The following EVC variants were observed in gnomAD, a reference collection of about 807,000 sequenced individuals.
EVC encodes the protein evC complex member EVC.
Under a neutral mutation model 118.9 loss-of-function variants are expected in EVC, and 116 were observed. That is an observed-to-expected ratio of 0.98 (90% CI 0.84 to 1.14). The LOEUF (loss-of-function observed/expected upper bound fraction) is 1.14, where lower values mean the gene tolerates loss of function less well. EVC is among the 50% of genes most tolerant of loss of function. EVC has a pLI of 0.00. For missense variants in EVC, 1,401 were observed against 1,246.4 expected (o/e 1.12, Z -1.87); for synonymous variants, 619 against 534.7 (o/e 1.16, Z -2.18).
At chr4:5,776,507 A>T (rs971699358) in intron 11 of EVC, among the ~76,000 whole-genome samples, 2 of 152,158 alleles carry the variant, frequency 1.3e-5, no homozygotes. Flanking sequence ...TCTCTTTTAC[A>T]TGTAAAGAGG....
At chr4:5,796,912 C>A in intron 13 of EVC, 110 bp from the exon 14 acceptor site, 1 of 857,932 alleles carries the variant, frequency 1.2e-6, no homozygotes, top group South Asian at 1.4e-5. Flanking sequence ...TGATTCCAAC[C>A]TGCTTCCTTT....
At chr4:5,712,965 G>A (rs543392588) in intron 1 of EVC, among the ~76,000 whole-genome samples, 2 of 152,360 alleles carry the variant, frequency 1.3e-5, no homozygotes, top group Admixed American at 6.5e-5. Context: ...CTCTGCAAGG[G>A]TGTTTGTCCA....
chr4:5,714,570 G>C (rs537588272), intron 1 of EVC, among the ~76,000 whole-genome samples: 1 of 146,792 alleles, frequency 6.8e-6, no homozygotes, highest in African/African-American at 2.5e-5. Context: ...ACTTAGCTCT[G>C]TTGCCTCCCT....
rs181539485 is a variant in EVC, at chr4:5,733,161, G to T, written c.618-190G>T. On this transcript the variant is annotated intron_variant, in intron 4 of 20. Transcript: ENST00000264956. Reference sequence around the variant, plus strand: ...ACCAACTGTTCTCTTATGGCCATTAGTGGGTTTCAAACAGCTCATTTGATC... The same window carrying T: ...ACCAACTGTTCTCTTATGGCCATTATTGGGTTTCAAACAGCTCATTTGATC... Among the ~76,000 whole-genome samples the T allele has an allele frequency of 1.3e-3, 193 of 152,246 alleles. 1 individual carries two copies. The highest frequency in any genetic ancestry group is 4.2e-3 in the African/African-American group (176 of 41,536).
the EVC span, chr4:5,828,295 G>A: frequency 1.1e-3 from 1,096 of 984,800 alleles, 5 homozygotes; most frequent in African/African-American, 0.017. Flanking sequence ...GAACTTGCAT[G>A]TCCTCATTTG....
At chr4:5,768,206 A>T (rs1370633722) in intron 11 of EVC, among the ~76,000 whole-genome samples, 1 of 152,134 alleles carries the variant, frequency 6.6e-6, no homozygotes, top group Non-Finnish European at 1.5e-5. Flanking sequence ...AGACTGTTCC[A>T]AGATAGTTGC....
chr4:5,725,285 T>C (rs1320619528), intron 2 of EVC, among the ~76,000 whole-genome samples: 1 of 152,214 alleles, frequency 6.6e-6, no homozygotes, highest in Non-Finnish European at 1.5e-5. Flanking sequence ...TCTAGCTCTT[T>C]GAGGAATCGC....
At chr4:5,766,662 C>T (rs1419620780) in intron 11 of EVC, among the ~76,000 whole-genome samples, 1 of 140,658 alleles carries the variant, frequency 7.1e-6, no homozygotes. Context: ...CTTCATCTTC[C>T]ATCGCTGATA....
downstream of EVC, among the ~76,000 whole-genome samples, chr4:5,815,580 A>G (rs191547619): frequency 8.7e-4 from 133 of 152,176 alleles, 1 homozygote; most frequent in Non-Finnish European, 1.6e-3. Context: ...CCAATCAGGT[A>G]TTTCTCCTCC....
At chr4:5,785,645 C>T (rs1297162382) in intron 12 of EVC, among the ~76,000 whole-genome samples, 1 of 152,172 alleles carries the variant, frequency 6.6e-6, no homozygotes, top group Non-Finnish European at 1.5e-5. Flanking sequence ...TTGTCTGTCT[C>T]CTGCATTTGG....
At chr4:5,793,516 C>T in intron 12 of EVC, 92 bp from the exon 13 acceptor site, 1 of 1,112,138 alleles carries the variant, frequency 9.0e-7, no homozygotes, top group South Asian at 1.3e-5. Context: ...AAGAAACGCA[C>T]ACAAACAAGA....
intron 1 of EVC, among the ~76,000 whole-genome samples, chr4:5,713,806 G>T (rs951835436): frequency 6.6e-6 from 1 of 152,102 alleles, no homozygotes; most frequent in African/African-American, 2.4e-5. Flanking sequence ...GGGAGGCTAA[G>T]GCAAGAGAAT....
intron 16 of EVC, 99 bp from the exon 17 acceptor site, chr4:5,804,630 TG>T: frequency 1.1e-6 from 1 of 906,368 alleles, no homozygotes; most frequent in Non-Finnish European, 1.8e-6. Context: ...CTTGGAGAGC[TG>T]GTGTGTCTCA....
Position 5,808,327 on chromosome 4 carries a change from G to C in EVC, c.2688G>C (p.Gln896His), listed in dbSNP as rs1560445857. 3 of 1,614,066 alleles carry C rather than the reference G, an allele frequency of 1.9e-6. No homozygotes were observed. The highest frequency in any genetic ancestry group is 2.5e-6 in the Non-Finnish European group (3 of 1,180,044). Residue 896 changes from glutamine (Q) to histidine (H), a missense_variant and splice_region_variant, in exon 18 of 21, where the codon CAG (glutamine) becomes CAC (histidine). Gln to His is a conservative substitution (Grantham distance 24). Transcript: ENST00000264956. ...LLEAQLETQL[Q>H]EAEQNFISEL... ...AAGCCCAGCTGGAGACCCAGCTACA[G>C]GTACAAGTTACAGAACTGGACCTTC...
At chr4:5,822,061 C>T in the EVC span, among the ~76,000 whole-genome samples, 3 of 151,818 alleles carry the variant, frequency 2.0e-5, no homozygotes, top group Non-Finnish European at 4.4e-5. Flanking sequence ...CCCCCACCTT[C>T]AGCCCTGACC....
intron 13 of EVC, among the ~76,000 whole-genome samples, chr4:5,794,462 A>G (rs1713562853): frequency 6.7e-6 from 1 of 148,454 alleles, no homozygotes; most frequent in Non-Finnish European, 1.5e-5. Flanking sequence ...GCTAGTGTCC[A>G]GTGGTGCAAT....
intron 12 of EVC, among the ~76,000 whole-genome samples, chr4:5,785,872 C>T (rs1042003214): frequency 4.6e-5 from 7 of 152,176 alleles, no homozygotes; most frequent in Admixed American, 2.6e-4. Context: ...AATCCTAGGC[C>T]GCAGACCAAT....
At chr4:5,780,051 AG>A (rs1735337398) in intron 11 of EVC, among the ~76,000 whole-genome samples, 1 of 152,156 alleles carries the variant, frequency 6.6e-6, no homozygotes, top group East Asian at 1.9e-4. Flanking sequence ...TTTAGCATGA[AG>A]GGTTGTTGAA....
the EVC span, chr4:5,821,338 A>C: frequency 1.2e-5 from 2 of 169,634 alleles, no homozygotes; most frequent in South Asian, 1.7e-4. The surrounding 1 kb of genome is among the most constrained non-coding windows in gnomAD (Gnocchi z 4.4). Flanking sequence ...GTCCTTGGCG[A>C]TGTCCCCTCA....
Sources: allele counts gnomAD v4.1 joint callset (sites outside exome capture counted in the v4.1 genomes callset), GRCh38; gene constraint gnomAD v4.1.1; non-coding constraint Gnocchi (gnomAD v3.1); transcripts MANE v1.5; gene names NCBI Gene and HGNC (gene_info 2026-07-23, HGNC 2026-07-21).